The following DCLK1 variants were observed in gnomAD, a reference collection of about 807,000 sequenced individuals.
DCLK1 encodes serine/threonine-protein kinase DCLK1.
DCLK1 carries 16 observed loss-of-function variants against 86.2 expected under a neutral mutation model. That is an observed-to-expected ratio of 0.19 (90% CI 0.13 to 0.28). The LOEUF (loss-of-function observed/expected upper bound fraction) is 0.28. Among genes scored for constraint, DCLK1 ranks in the 10% least tolerant of loss-of-function variants. DCLK1 has a pLI of 1.00. For synonymous variants in DCLK1, 369 were observed against 370.5 expected (o/e 1.00, Z 0.05); for missense variants, 590 against 940.2 (o/e 0.63, Z 4.87).
At chr13:35,999,732 C>T (rs1015519441) in intron 3 of DCLK1, among the ~76,000 whole-genome samples, 2 of 152,154 alleles carry the variant, frequency 1.3e-5, no homozygotes, top group African/African-American at 4.8e-5. Context: ...TTACTGCTAC[C>T]TGATGTCTTA....
chr13:36,081,122 TA>T (rs1210117700), intron 3 of DCLK1, among the ~76,000 whole-genome samples: 2 of 152,106 alleles, frequency 1.3e-5, no homozygotes, highest in African/African-American at 4.8e-5. Context: ...TCAATGCATA[TA>T]AAAATTCAGC....
rs1217201156 is a variant in DCLK1, at chr13:35,777,906, GT to G, written c.2059-3208del. 2.6e-5 allele frequency among the ~76,000 whole-genome samples: 4 copies of G among 152,196 alleles called. No homozygotes were observed. In the East Asian group the frequency reaches 5.8e-4, roughly 22 times the overall value. ...TCCATGACAGTCTAGTACCATTATC[GT>G]TGTTCATCCTGCCTGCACCATAATT... is the stretch of plus-strand genomic sequence containing the variant. On this transcript the variant is annotated intron_variant, in intron 16 of 16. Coordinates refer to ENST00000360631, the MANE Select transcript of DCLK1 (RefSeq NM_001330071.2).
chr13:35,799,345 G>A lies in DCLK1; in HGVS notation c.1945-5866C>T, dbSNP rs554362864. On this transcript the variant is annotated intron_variant, in intron 15 of 16. Coordinates refer to ENST00000360631, the MANE Select transcript of DCLK1 (RefSeq NM_001330071.2). The stretch of plus-strand genomic sequence containing the variant: ...TGGCTCACCGCAACCTCTGCCTCCC[G>A]GGTTCAAGCGATTCTCCTGCCTCAG... 2.2e-3 allele frequency among the ~76,000 whole-genome samples: 328 copies of A among 152,046 alleles called. 1 individual carries two copies. Among genetic ancestry groups the A allele is most frequent in the African/African-American group, 7.5e-3 (312 of 41,522 alleles).
At chr13:36,128,196 C>T (rs9602241) in intron 1 of DCLK1, among the ~76,000 whole-genome samples, 65,528 of 151,946 alleles carry the variant, frequency 0.43, 14,197 homozygotes, top group East Asian at 0.59. Flanking sequence ...GCAATATTTA[C>T]TGAAGGTCTA....
At chr13:36,070,891 C>A (rs1883949503) in intron 3 of DCLK1, among the ~76,000 whole-genome samples, 1 of 152,090 alleles carries the variant, frequency 6.6e-6, no homozygotes, top group Non-Finnish European at 1.5e-5. Context: ...GCAATCCACC[C>A]ACCTCAGCCT....
intron 4 of DCLK1, among the ~76,000 whole-genome samples, chr13:35,889,291 T>C (rs1237185134): frequency 6.6e-6 from 1 of 152,200 alleles, no homozygotes; most frequent in Non-Finnish European, 1.5e-5. Flanking sequence ...AAAAATAATC[T>C]ATCAGAAAGG....
At chr13:36,086,921 C>T (rs1884629098) in intron 3 of DCLK1, among the ~76,000 whole-genome samples, 2 of 152,134 alleles carry the variant, frequency 1.3e-5, no homozygotes, top group Non-Finnish European at 2.9e-5. Flanking sequence ...AATAGTGCTG[C>T]AATAAACATA....
chr13:36,097,823 T>A (rs73165307), intron 3 of DCLK1, among the ~76,000 whole-genome samples: 23,574 of 151,546 alleles, frequency 0.16, 2,114 homozygotes, highest in Non-Finnish European at 0.21. Context: ...CCAATAAAGC[T>A]CAGCAATAAA....
chr13:36,040,370 A>T (rs1882659084), intron 3 of DCLK1, among the ~76,000 whole-genome samples: 1 of 134,176 alleles, frequency 7.5e-6, no homozygotes, highest in Non-Finnish European at 1.6e-5. Flanking sequence ...CCTCCATAGG[A>T]ATACCCTGCA....
chr13:35,884,743 C>T (rs1023169603), intron 4 of DCLK1, among the ~76,000 whole-genome samples: 2 of 152,078 alleles, frequency 1.3e-5, no homozygotes, highest in African/African-American at 2.4e-5. Flanking sequence ...GGTCTGGAGG[C>T]GGCTCCCTGA....
chr13:36,002,975 C>T (rs1348735269), intron 3 of DCLK1, among the ~76,000 whole-genome samples: 1 of 152,238 alleles, frequency 6.6e-6, no homozygotes, highest in African/African-American at 2.4e-5. Flanking sequence ...TCCCACTCTC[C>T]TCTCCATGTG....
At chr13:35,965,186 A>G (rs1332113444) in intron 3 of DCLK1, among the ~76,000 whole-genome samples, 1 of 152,196 alleles carries the variant, frequency 6.6e-6, no homozygotes, top group East Asian at 1.9e-4. Flanking sequence ...TGAATGTGTC[A>G]TTCATGATGC....
Position 36,125,893 on chromosome 13 carries a change from C to A in DCLK1, c.245G>T (p.Arg82Leu), listed in dbSNP as rs754793386. 6.2e-7 allele frequency: 1 copy of A among 1,614,196 alleles called. No individual in the cohort carries two copies. The highest frequency in any genetic ancestry group is 8.5e-7 in the Non-Finnish European group (1 of 1,180,046). The change falls in exon 2 of 17, where the codon CGA (arginine) becomes CTA (leucine). Residue 82 changes from arginine to leucine, a missense_variant. Arg to Leu is a moderately radical substitution (Grantham distance 102). This residue lies in a region of DCLK1 where 195 missense variants were observed against 365.1 expected (regional missense o/e 0.53). Transcript: ENST00000360631. Reference protein sequence around the residue: ...IVYAISPDRFRSFEALLADLT... With the variant: ...IVYAISPDRFLSFEALLADLT... ...ATCAGCCAGCAGGGCCTCAAAAGAT[C>A]GGAACCGGTCTGGGGAGATGGCATA...
chr13:35,868,713 A>G (rs182627615), intron 5 of DCLK1, among the ~76,000 whole-genome samples: 11 of 152,274 alleles, frequency 7.2e-5, no homozygotes, highest in African/African-American at 1.9e-4. Context: ...TTTAGGGGCA[A>G]TAAGCTGGCT....
chr13:35,987,493 G>T (rs764710658), intron 3 of DCLK1, among the ~76,000 whole-genome samples: 1 of 152,070 alleles, frequency 6.6e-6, no homozygotes, highest in Admixed American at 6.6e-5. Context: ...TATTTAAAAC[G>T]ACCCTTAGGG....
At chr13:36,110,988 A>G (rs527372272) in intron 3 of DCLK1, among the ~76,000 whole-genome samples, 34 of 150,290 alleles carry the variant, frequency 2.3e-4, no homozygotes, top group Non-Finnish European at 1.0e-4. Flanking sequence ...CCACCACCAC[A>G]CCCAGGTAAT....
At chr13:35,847,078 C>A (rs1036879632) in intron 6 of DCLK1, 3 of 984,088 alleles carry the variant, frequency 3.0e-6, no homozygotes, top group Non-Finnish European at 2.4e-6. Flanking sequence ...CATCCATACA[C>A]ACACAATAGA....
chr13:35,877,683 G>T (rs916094811), intron 4 of DCLK1, among the ~76,000 whole-genome samples: 2 of 152,164 alleles, frequency 1.3e-5, no homozygotes, highest in Admixed American at 6.5e-5. Flanking sequence ...TTCAGGAAAT[G>T]GACAAGTTCA....
intron 15 of DCLK1, among the ~76,000 whole-genome samples, chr13:35,802,315 G>C (rs2086937507): frequency 6.7e-6 from 1 of 149,250 alleles, no homozygotes. Context: ...CTGGGTGACA[G>C]AGTGAGACCC....
Sources: gnomAD v4.1 joint callset for allele counts (sites outside exome capture counted in the v4.1 genomes callset) on GRCh38, gnomAD v4.1.1 for gene constraint, gnomAD v4.1.1 regional missense constraint, MANE v1.5 for transcripts, NCBI Gene and HGNC (gene_info 2026-07-23, HGNC 2026-07-21) for gene names.